The following PARN variants were observed in gnomAD, a reference collection of about 807,000 sequenced individuals.
The protein encoded by PARN is poly(A)-specific ribonuclease.
Under a neutral mutation model 102.8 loss-of-function variants are expected in PARN, and 71 were observed. The ratio of observed to expected loss-of-function variants is 0.69; its 90% CI spans 0.57 to 0.84. PARN has a LOEUF of 0.84. Ranked by LOEUF, PARN falls within the 40% of genes least tolerant of loss-of-function variation. PARN has a pLI of 0.00. For synonymous variants in PARN, 261 were observed against 252.9 expected, an observed-to-expected ratio of 1.03 and a Z score of -0.30; for missense variants, 782 against 760.9, an observed-to-expected ratio of 1.03 and a Z score of -0.33.
intron 12 of PARN, among the ~76,000 whole-genome samples, chr16:14,593,602 CA>C (rs1207144152): frequency 1.3e-5 from 2 of 148,884 alleles, no homozygotes; most frequent in East Asian, 4.0e-4. Flanking sequence ...AGTGAAAGCA[CA>C]AATGACTTTG....
chr16:14,566,083 C>T (rs968884615), intron 18 of PARN, among the ~76,000 whole-genome samples: 1 of 152,230 alleles, frequency 6.6e-6, no homozygotes, highest in Non-Finnish European at 1.5e-5. Context: ...GACTTTACTA[C>T]TAACCTGCCT....
At chr16:14,611,460 T>C (rs898147155) in intron 6 of PARN, among the ~76,000 whole-genome samples, 1 of 152,200 alleles carries the variant, frequency 6.6e-6, no homozygotes, top group Non-Finnish European at 1.5e-5. Context: ...ATGACTACTC[T>C]GAGAGTGAAG....
intron 5 of PARN, 90 bp from the exon 6 acceptor site, chr16:14,617,740 A>C: frequency 5.0e-6 from 4 of 799,796 alleles, no homozygotes; most frequent in Non-Finnish European, 8.9e-6. Flanking sequence ...CAAGAAAACA[A>C]AGACAATATG....
At chr16:14,477,130 C>T (rs1455809295) in intron 22 of PARN, among the ~76,000 whole-genome samples, 1 of 152,112 alleles carries the variant, frequency 6.6e-6, no homozygotes, top group African/African-American at 2.4e-5. Flanking sequence ...CAAAAATATA[C>T]GATGCAAACG....
chr16:14,623,527 A>G (rs907284154), intron 5 of PARN, among the ~76,000 whole-genome samples: 1 of 151,576 alleles, frequency 6.6e-6, no homozygotes, highest in Non-Finnish European at 1.5e-5. Flanking sequence ...ACAAAAAAAA[A>G]GAAAAGAAAA....
intron 22 of PARN, among the ~76,000 whole-genome samples, chr16:14,457,949 A>T (rs535936624): frequency 1.2e-3 from 174 of 150,094 alleles, no homozygotes; most frequent in African/African-American, 3.7e-3. Context: ...TGTGTGTGTG[A>T]GAGAGAGAGA....
Position 14,630,230 on chromosome 16 carries a change from A to G in PARN, c.-105T>C, listed in dbSNP as rs1972965804. 2 of 1,015,034 alleles carry G rather than the reference A, an allele frequency of 2.0e-6. No homozygotes were observed. Among genetic ancestry groups the G allele is most frequent in the African/African-American group, 1.7e-5 (1 of 60,224 alleles). 62.9% of individuals were successfully genotyped at this position (1,015,034 alleles called of 1,614,324 possible). ...CTGCGGCAGTAGCTGAGGCAGCCGC[A>G]GCGGTGACGCCGGCCGCGACTTCCG... On this transcript the variant is annotated 5_prime_UTR_variant, in exon 1 of 24. Coordinates refer to ENST00000437198, the MANE Select transcript of PARN (RefSeq NM_002582.4).
intron 5 of PARN, among the ~76,000 whole-genome samples, chr16:14,626,485 C>G (rs1972669711): frequency 6.6e-6 from 1 of 152,140 alleles, no homozygotes. Flanking sequence ...GGTGGTTCAA[C>G]TTGGGGGTAA....
intron 22 of PARN, among the ~76,000 whole-genome samples, chr16:14,457,901 TA>T (rs1182982345): frequency 6.8e-6 from 1 of 146,116 alleles, no homozygotes; most frequent in Non-Finnish European, 1.5e-5. Flanking sequence ...TCTTGTGGAA[TA>T]GGGGTGTGTG....
At chr16:14,454,313 T>C (rs1442238221) in intron 22 of PARN, among the ~76,000 whole-genome samples, 1 of 152,206 alleles carries the variant, frequency 6.6e-6, no homozygotes, top group Non-Finnish European at 1.5e-5. Context: ...AATCCCCACC[T>C]CTAAAAGAAA....
At chr16:14,546,454 G>GT (rs1230251136) in intron 21 of PARN, among the ~76,000 whole-genome samples, 2 of 152,098 alleles carry the variant, frequency 1.3e-5, no homozygotes, top group Non-Finnish European at 2.9e-5. Context: ...TAATTACTGG[G>GT]TAACTTTTTA....
intron 21 of PARN, among the ~76,000 whole-genome samples, chr16:14,546,451 T>C (rs192823145): frequency 6.6e-6 from 1 of 152,346 alleles, no homozygotes; most frequent in Non-Finnish European, 1.5e-5. Context: ...TTATAATTAC[T>C]GGGTAACTTT....
At chr16:14,448,634 C>A (rs1465490221) in intron 22 of PARN, among the ~76,000 whole-genome samples, 1 of 152,210 alleles carries the variant, frequency 6.6e-6, no homozygotes, top group Non-Finnish European at 1.5e-5. Context: ...CTCTGGCTAC[C>A]TAAATATTCA....
intron 21 of PARN, among the ~76,000 whole-genome samples, chr16:14,526,436 C>G (rs1381724983): frequency 6.6e-6 from 1 of 152,082 alleles, no homozygotes; most frequent in Non-Finnish European, 1.5e-5. Context: ...CTCAGCCTCC[C>G]AAAGTGCTGG....
chr16:14,478,392 AATATCC>A (rs1963190530), intron 22 of PARN, among the ~76,000 whole-genome samples: 1 of 152,230 alleles, frequency 6.6e-6, no homozygotes, highest in South Asian at 2.1e-4. Context: ...GAAAAGACTT[AATATCC>A]ATTTGTGATG....
chr16:14,606,558 T>C, intron 9 of PARN, 32 bp from the exon 10 acceptor site: 1 of 1,284,468 alleles, frequency 7.8e-7, no homozygotes, highest in Non-Finnish European at 1.1e-6. Flanking sequence ...TATCAGTAGA[T>C]GAGTCAATGA....
intron 21 of PARN, among the ~76,000 whole-genome samples, chr16:14,539,709 ATGATTCTCCTATAGCAGAC>A (rs1596614687): frequency 6.6e-6 from 1 of 152,260 alleles, no homozygotes; most frequent in African/African-American, 2.4e-5. Context: ...CTTACTAATA[ATGATTCTCCTATAGCAGAC>A]TGAGGTATTT....
At chr16:14,483,513 G>A (rs996775610) in intron 21 of PARN, among the ~76,000 whole-genome samples, 1 of 152,102 alleles carries the variant, frequency 6.6e-6, no homozygotes, top group African/African-American at 2.4e-5. Context: ...TCTATTGGAG[G>A]TGCTTTATTA....
intron 12 of PARN, 113 bp from the exon 13 acceptor site, chr16:14,593,491 TTAAAAAAAAAAAAAAA>T (rs1970321992): frequency 7.3e-5 from 2 of 27,436 alleles, no homozygotes; most frequent in Non-Finnish European, 6.7e-5. Context: ...CTTTCCAGAC[TTAAAAAAAAAAAAAAA>T]AAAAAAAAAA....
Sources: allele counts gnomAD v4.1 joint callset (sites outside exome capture counted in the v4.1 genomes callset), GRCh38; gene constraint gnomAD v4.1.1; transcripts MANE v1.5; gene names NCBI Gene and HGNC (gene_info 2026-07-23, HGNC 2026-07-21).